Variants in MRTFB observed in about 807,000 individuals in gnomAD.
The protein encoded by MRTFB is myocardin related transcription factor B, also known as myocardin-related transcription factor B.
In MRTFB, 29 loss-of-function variants were observed where a neutral mutation model predicts 104.2. That is an observed-to-expected ratio of 0.28 (90% CI 0.21 to 0.38). MRTFB has a LOEUF of 0.38. Among genes scored for constraint, MRTFB ranks in the 10% least tolerant of loss-of-function variants. The pLI is 1.00. For synonymous variants in MRTFB, 535 were observed against 519.5 expected (o/e 1.03, Z -0.41); for missense variants, 1,270 against 1,341.6 (o/e 0.95, Z 0.83).
At chr16:14,161,660 TAAG>T (rs2039042460) in intron 3 of MRTFB, among the ~76,000 whole-genome samples, 1 of 152,160 alleles carries the variant, frequency 6.6e-6, no homozygotes, top group Non-Finnish European at 1.5e-5. Context: ...ACTCGTCCAG[TAAG>T]AAGAGGTAAA....
chr16:14,052,658 G>A, the MRTFB span, among the ~76,000 whole-genome samples: 125 of 150,430 alleles, frequency 8.3e-4, no homozygotes, highest in African/African-American at 2.8e-3. Context: ...AGAATCTCTT[G>A]AAACTGGGAG....
rs1007086946 is a variant in MRTFB, at chr16:14,247,060, G to A, written c.1800G>A (p.Met600Ile). The A allele has an allele frequency of 3.1e-6, 5 of 1,614,170 alleles. No individual in the cohort carries two copies. Among genetic ancestry groups the A allele is most frequent in the Non-Finnish European group, 4.2e-6 (5 of 1,180,036 alleles). Reference sequence around the variant, plus strand: ...AGAAGCTCGTGGAAGTGCTGAAAATGCAACTTGAGGTTGAAAAACGAGGGC... The same window carrying A: ...AGAAGCTCGTGGAAGTGCTGAAAATACAACTTGAGGTTGAAAAACGAGGGC... ...QEQKLVEVLK[M>I]QLEVEKRGQQ... Residue 600 changes from methionine to isoleucine, a missense_variant, in exon 12 of 17, where the codon ATG (methionine) becomes ATA (isoleucine). Transcript: ENST00000571589.
the MRTFB span, among the ~76,000 whole-genome samples, chr16:14,036,039 G>T: frequency 6.8e-6 from 1 of 146,854 alleles, no homozygotes; most frequent in Non-Finnish European, 1.5e-5. Context: ...CATGCAGGTT[G>T]CTGCAAATGC....
At chr16:14,009,792 C>T in the MRTFB span, 1 of 152,126 alleles carries the variant, frequency 6.6e-6, no homozygotes, top group Non-Finnish European at 1.5e-5. Context: ...GCAATGTCGA[C>T]TTTCACTAAA....
the MRTFB span, among the ~76,000 whole-genome samples, chr16:14,017,709 A>ATTTTTTTT: frequency 2.5e-4 from 4 of 15,918 alleles, no homozygotes; most frequent in African/African-American, 4.7e-4. Flanking sequence ...ATATATATAT[A>ATTTTTTTT]TATTTTTTTT....
At chr16:14,237,097 A>G (rs1368202242) in intron 9 of MRTFB, among the ~76,000 whole-genome samples, 2 of 152,190 alleles carry the variant, frequency 1.3e-5, no homozygotes, top group East Asian at 3.9e-4. Flanking sequence ...GTGATGTCCT[A>G]GAGGCAGCTG....
intron 3 of MRTFB, among the ~76,000 whole-genome samples, chr16:14,205,415 C>G (rs226783): frequency 0.58 from 88,515 of 152,014 alleles, 28,488 homozygotes; most frequent in African/African-American, 0.86. Flanking sequence ...ATATACAGCT[C>G]TTGTAGAATT....
chr16:14,240,173 G>A (rs372860893), intron 9 of MRTFB, 64 bp from the exon 10 acceptor site: 53 of 1,493,008 alleles, frequency 3.5e-5, no homozygotes, highest in Admixed American at 6.9e-5. Flanking sequence ...ATTTAGTCAC[G>A]CAGTACAAAA....
chr16:14,083,091 A>T (rs1235760980), intron 2 of MRTFB, among the ~76,000 whole-genome samples: 2 of 151,908 alleles, frequency 1.3e-5, no homozygotes, highest in Non-Finnish European at 2.9e-5. Context: ...ATTTATTTCT[A>T]AGTATTTTAT....
chr16:14,192,016 G>A (rs1028862841), intron 3 of MRTFB: 3 of 152,080 alleles, frequency 2.0e-5, no homozygotes, highest in Admixed American at 2.0e-4. Context: ...TGTCTTCTTT[G>A]TTTTCTGCCG....
At chr16:14,256,282 A>G (rs527264704) in intron 15 of MRTFB, among the ~76,000 whole-genome samples, 59 of 152,226 alleles carry the variant, frequency 3.9e-4, no homozygotes, top group African/African-American at 1.4e-3. Context: ...GTCAGTAATT[A>G]TAACACATAT....
intron 2 of MRTFB, among the ~76,000 whole-genome samples, chr16:14,093,544 C>T (rs1401995783): frequency 1.3e-5 from 2 of 152,102 alleles, no homozygotes; most frequent in African/African-American, 2.4e-5. Flanking sequence ...CGAGTTACAG[C>T]ATCTCAGCTC....
intron 3 of MRTFB, chr16:14,144,248 T>A (rs776861777): frequency 7.2e-5 from 11 of 152,218 alleles, no homozygotes; most frequent in Non-Finnish European, 1.6e-4. Context: ...GACTCCACTA[T>A]GAGATTGTTC....
chr16:14,225,548 G>A (rs779063798), intron 8 of MRTFB, among the ~76,000 whole-genome samples: 2 of 152,168 alleles, frequency 1.3e-5, no homozygotes, highest in Non-Finnish European at 2.9e-5. Context: ...AAGCTCAGAG[G>A]CCAAAGAAAG....
At chr16:14,046,245 G>C in the MRTFB span, among the ~76,000 whole-genome samples, 2 of 152,140 alleles carry the variant, frequency 1.3e-5, no homozygotes, top group Non-Finnish European at 2.9e-5. Context: ...AGGAACGCTT[G>C]AGCCCAGGAA....
At chr16:14,167,992 A>C (rs889563314) in intron 3 of MRTFB, among the ~76,000 whole-genome samples, 1 of 152,098 alleles carries the variant, frequency 6.6e-6, no homozygotes, top group African/African-American at 2.4e-5. Context: ...CGGCCAATCT[A>C]TCTTGAGTTA....
chr16:14,217,383 G>T, intron 7 of MRTFB, 96 bp downstream of exon 7: 1 of 1,034,678 alleles, frequency 9.7e-7, no homozygotes. Context: ...CCGATCGTGA[G>T]TATTGTTTTC....
At chr16:14,060,236 A>G in the MRTFB span, among the ~76,000 whole-genome samples, 1 of 151,764 alleles carries the variant, frequency 6.6e-6, no homozygotes, top group Admixed American at 6.6e-5. Context: ...CGAACTTCTG[A>G]CCTCAAGTGA....
In MRTFB at chr16:14,140,618, A is replaced by G; in HGVS notation, c.12A>G (p.Thr4=). 1 of 1,614,166 alleles carries G rather than the reference A, an allele frequency of 6.2e-7. No homozygotes were observed. The highest frequency in any genetic ancestry group is 1.1e-5 in the South Asian group (1 of 91,080). ...GTGGCTGGAACACAATGGATCACACAGGGGCGATAGACACCGAGGATGAAG... is the reference window on the plus strand; with the variant it reads ...GTGGCTGGAACACAATGGATCACACGGGGGCGATAGACACCGAGGATGAAG... MDH[T]GAIDTEDEVG... Residue 4 remains threonine, a synonymous_variant, in exon 3 of 17, where the codon ACA becomes ACG. Coordinates refer to ENST00000571589, the MANE Select transcript of MRTFB (RefSeq NM_001308142.2).
Sources: allele counts gnomAD v4.1 joint callset (sites outside exome capture counted in the v4.1 genomes callset), GRCh38; gene constraint gnomAD v4.1.1; transcripts MANE v1.5; gene names NCBI Gene and HGNC (gene_info 2026-07-23, HGNC 2026-07-21).